Variants in USP34 observed in about 807,000 individuals in gnomAD.
The protein encoded by USP34 is ubiquitin specific peptidase 34, also known as ubiquitin carboxyl-terminal hydrolase 34.
A neutral mutation model predicts 460.3 loss-of-function variants in USP34; 70 were observed. The ratio of observed to expected loss-of-function variants is 0.15; its 90% CI spans 0.13 to 0.19. The LOEUF (loss-of-function observed/expected upper bound fraction) is 0.19. Among genes scored for constraint, USP34 ranks in the 10% least tolerant of loss-of-function variants. The pLI is 1.00. For missense variants in USP34, 3,985 were observed against 4,236.2 expected, an observed-to-expected ratio of 0.94 and a Z score of 1.65; for synonymous variants, 1,647 against 1,405.3, an observed-to-expected ratio of 1.17 and a Z score of -3.85.
intron 10 of USP34, among the ~76,000 whole-genome samples, chr2:61,365,502 A>G (rs1692409619): frequency 6.6e-6 from 1 of 152,166 alleles, no homozygotes; most frequent in South Asian, 2.1e-4. Context: ...AGAATAAACA[A>G]AAGAGACATT....
rs893391257 is a variant in USP34 at position 61,272,792 on chromosome 2, T to C, written c.5433+5373A>G. Reference sequence around the variant, plus strand: ...TAAAGAATGCTAAGAACAACTAACTTAACATTATTCTGAATGTTTCAGAAA... The same window carrying C: ...TAAAGAATGCTAAGAACAACTAACTCAACATTATTCTGAATGTTTCAGAAA... On this transcript the variant is annotated intron_variant, in intron 41 of 79. Transcript: ENST00000398571. 5.9e-5 allele frequency among the ~76,000 whole-genome samples: 9 copies of C among 152,238 alleles called. No homozygotes were observed. The East Asian group carries it at 1.7e-3, about 29-fold the overall frequency.
At chr2:61,441,955 C>T (rs1216885528) in intron 1 of USP34, among the ~76,000 whole-genome samples, 1 of 151,862 alleles carries the variant, frequency 6.6e-6, no homozygotes, top group African/African-American at 2.4e-5. Flanking sequence ...GAACAGAGTG[C>T]CCAGAAGTTA....
chr2:61,375,626 G>A (rs747543565), intron 8 of USP34, among the ~76,000 whole-genome samples: 17 of 151,770 alleles, frequency 1.1e-4, no homozygotes, highest in Non-Finnish European at 1.6e-4. Flanking sequence ...AAAATTAGCC[G>A]GAAGTGGTGG....
At chr2:61,321,843 A>C (rs1473858208) in intron 21 of USP34, among the ~76,000 whole-genome samples, 1 of 152,210 alleles carries the variant, frequency 6.6e-6, no homozygotes, top group East Asian at 1.9e-4. Flanking sequence ...TCAGTGGTTA[A>C]GGTTTGAGTA....
At chr2:61,289,064 G>C (rs555946563) in intron 33 of USP34, among the ~76,000 whole-genome samples, 187 bp from the exon 34 acceptor site, 29 of 152,082 alleles carry the variant, frequency 1.9e-4, no homozygotes, top group Non-Finnish European at 3.1e-4. Context: ...TGAAGAAAAA[G>C]TATCTAGAAA....
chr2:61,417,661 T>C (rs1011892624), intron 2 of USP34, among the ~76,000 whole-genome samples: 9 of 151,572 alleles, frequency 5.9e-5, no homozygotes, highest in South Asian at 2.1e-4. Flanking sequence ...TGTTTTTTTT[T>C]CCCTACAATG....
intron 27 of USP34, among the ~76,000 whole-genome samples, chr2:61,307,196 T>G (rs1310783012): frequency 6.6e-6 from 1 of 151,644 alleles, no homozygotes; most frequent in Non-Finnish European, 1.5e-5. Flanking sequence ...ACCATCATTC[T>G]CAGCAAACTA....
intron 27 of USP34, among the ~76,000 whole-genome samples, chr2:61,302,413 T>C (rs369816107): frequency 1.2e-4 from 18 of 152,236 alleles, no homozygotes; most frequent in African/African-American, 3.1e-4. Flanking sequence ...ACGAGTCATA[T>C]TGGCAATTTG....
chr2:61,371,133 T>C (rs1368653242), intron 8 of USP34, among the ~76,000 whole-genome samples: 1 of 152,178 alleles, frequency 6.6e-6, no homozygotes, highest in Non-Finnish European at 1.5e-5. Context: ...GGACCAAATA[T>C]ACAACAGTGG....
rs371774503 is a variant in USP34, at chr2:61,190,700, C to T, written c.9589-42G>A. 36 of 1,564,690 alleles carry T rather than the reference C, an allele frequency of 2.3e-5. 1 individual carries two copies. The highest frequency in any genetic ancestry group is 3.9e-5 in the Admixed American group (2 of 51,334). On this transcript the variant is annotated intron_variant, in intron 76 of 79. Transcript: ENST00000398571. Reference sequence around the variant, plus strand: ...ATGGTTGAGCACTTACGGTTGAGCACGGAAAAAACTTACACGGAAAAAACT... The same window carrying T: ...ATGGTTGAGCACTTACGGTTGAGCATGGAAAAAACTTACACGGAAAAAACT...
intron 44 of USP34, 72 bp from the exon 45 acceptor site, chr2:61,257,422 A>G (rs1194819778): frequency 2.1e-5 from 27 of 1,263,438 alleles, no homozygotes; most frequent in East Asian, 1.8e-4. Flanking sequence ...CAATGAACAT[A>G]TAACAAAAAC....
intron 12 of USP34, 117 bp from the exon 13 acceptor site, chr2:61,349,402 T>C (rs776915584): frequency 9.9e-6 from 10 of 1,008,338 alleles, no homozygotes; most frequent in Middle Eastern, 4.3e-4. Flanking sequence ...AAACCTGCAA[T>C]AAGGTTAAGT....
At position 61,283,522 on chromosome 2, in the gene USP34, A is replaced by G. The variant is rs1689596833; in HGVS notation, c.4833-73T>C. Reference sequence around the variant, plus strand: ...TAAAAATAATTCAATTTATTAACATATATCCTTTAAGGTTATCACTTCCCC... The same window carrying G: ...TAAAAATAATTCAATTTATTAACATGTATCCTTTAAGGTTATCACTTCCCC... On this transcript the variant is annotated intron_variant, in intron 35 of 79. Transcript: ENST00000398571. The G allele has an allele frequency of 2.7e-6, 4 of 1,508,322 alleles. No homozygotes were observed. The South Asian group carries it at 3.7e-5, about 14-fold the overall frequency. The allele number at this position is 1,508,322 out of a possible 1,614,324, so 93.4% of individuals were successfully genotyped here. A position where few individuals can be genotyped will look rare whatever the true frequency, so the allele number is the denominator to read the frequency against.
intron 41 of USP34, among the ~76,000 whole-genome samples, chr2:61,267,031 C>T (rs1218094910): frequency 6.6e-6 from 1 of 152,200 alleles, no homozygotes; most frequent in East Asian, 1.9e-4. Flanking sequence ...AAACCAAGGA[C>T]TCCTAGGCTC....
At chr2:61,444,655 A>G (rs1488146895) in intron 1 of USP34, among the ~76,000 whole-genome samples, 1 of 152,224 alleles carries the variant, frequency 6.6e-6, no homozygotes, top group African/African-American at 2.4e-5. Context: ...AAACTGAGCA[A>G]ATGATGCACA....
intron 48 of USP34, among the ~76,000 whole-genome samples, chr2:61,252,834 A>G (rs1688623622): frequency 2.0e-5 from 3 of 152,224 alleles, no homozygotes; most frequent in African/African-American, 7.2e-5. Context: ...AGAGATGAGC[A>G]GATCCAGAAA....
intron 23 of USP34, 115 bp from the exon 24 acceptor site, chr2:61,315,089 T>A: frequency 1.5e-6 from 1 of 674,014 alleles, no homozygotes; most frequent in East Asian, 3.0e-5. Context: ...AGCTATTAAA[T>A]AATAAAAATA....
At chr2:61,378,935 A>AC (rs1558559697) in intron 7 of USP34, among the ~76,000 whole-genome samples, 4 of 146,112 alleles carry the variant, frequency 2.7e-5, no homozygotes, top group Non-Finnish European at 6.0e-5. Flanking sequence ...AAAAAAAAAA[A>AC]AACAACACTA....
At chr2:61,429,053 C>A (rs534170259) in intron 1 of USP34, among the ~76,000 whole-genome samples, 3 of 152,020 alleles carry the variant, frequency 2.0e-5, no homozygotes, top group African/African-American at 4.8e-5. Context: ...AAAAAGGATG[C>A]GCTTTGGGAA....
Sources: gnomAD v4.1 joint callset for allele counts (sites outside exome capture counted in the v4.1 genomes callset) on GRCh38, gnomAD v4.1.1 for gene constraint, MANE v1.5 for transcripts, NCBI Gene and HGNC (gene_info 2026-07-23, HGNC 2026-07-21) for gene names.